Variants in KCNH1 observed in about 807,000 individuals in gnomAD.
KCNH1 encodes voltage-gated delayed rectifier potassium channel KCNH1.
Under a neutral mutation model 69.2 loss-of-function variants are expected in KCNH1, and 27 were observed. The observed-to-expected ratio is 0.39, with a 90% CI of 0.29 to 0.54. KCNH1 has a LOEUF of 0.54. KCNH1 is among the 20% of genes least tolerant of loss of function. The pLI, the probability that KCNH1 is intolerant of heterozygous loss-of-function variation, is 0.68. For missense variants in KCNH1, 798 were observed against 1,261.6 expected (o/e 0.63, Z 5.57); for synonymous variants, 456 against 487.7 (o/e 0.93, Z 0.86).
chr1:210,781,264 C>T (rs1206093433), intron 9 of KCNH1, among the ~76,000 whole-genome samples: 8 of 152,118 alleles, frequency 5.3e-5, no homozygotes, highest in Non-Finnish European at 1.0e-4. Context: ...GAGTGAGTAG[C>T]TGTTTAAAGG....
At position 210,817,056 on chromosome 1, in the gene KCNH1, T is replaced by C. The variant is rs962883753; in HGVS notation, c.1463-12890A>G. 1.6e-4 allele frequency among the ~76,000 whole-genome samples: 24 copies of C among 152,326 alleles called. 1 individual carries two copies. Among genetic ancestry groups the C allele is most frequent in the African/African-American group, 5.8e-4 (24 of 41,582 alleles). ...GTTGATTTTCCATACTGAATAACCA[T>C]GAGTCTCTTGGTTTATCAAAGGCAG... On this transcript the variant is annotated intron_variant, in intron 7 of 10. Coordinates refer to ENST00000271751, the MANE Select transcript of KCNH1 (RefSeq NM_172362.3).
chr1:210,867,340 C>A (rs970380574), intron 7 of KCNH1, among the ~76,000 whole-genome samples: 3 of 125,712 alleles, frequency 2.4e-5, no homozygotes, highest in African/African-American at 8.3e-5. Flanking sequence ...TACACACACA[C>A]ACACACACAC....
intron 7 of KCNH1, among the ~76,000 whole-genome samples, chr1:210,865,220 T>C (rs907829606): frequency 6.6e-6 from 1 of 152,232 alleles, no homozygotes; most frequent in African/African-American, 2.4e-5. Flanking sequence ...AGTCTCCCAA[T>C]GCAGAGATAT....
rs763936753 is a variant in KCNH1, at chr1:210,783,271, G to A, written c.1916-7727C>T. On this transcript the variant is annotated intron_variant, in intron 9 of 10. Coordinates refer to ENST00000271751, the MANE Select transcript of KCNH1 (RefSeq NM_172362.3). ...TCCTCTGCATTCCCTCCCTCAAGCA[G>A]CCCTCCTCTTCAATCAACATTCAAT... Among the ~76,000 whole-genome samples, 5 of 152,156 alleles carry A rather than the reference G, an allele frequency of 3.3e-5. 1 individual carries two copies. The South Asian group carries it at 8.3e-4, about 25-fold the overall frequency.
intron 7 of KCNH1, among the ~76,000 whole-genome samples, chr1:210,894,248 T>G (rs1686812402): frequency 6.6e-6 from 1 of 152,210 alleles, no homozygotes; most frequent in African/African-American, 2.4e-5. Context: ...ACTTGATCCT[T>G]TGAGTCTTAC....
At chr1:210,917,217 GAGAGAGAGAGAGAGAAAGAAAGAA>G (rs1250898697) in intron 7 of KCNH1, among the ~76,000 whole-genome samples, 2 of 88,616 alleles carry the variant, frequency 2.3e-5, no homozygotes, top group African/African-American at 8.5e-5. Flanking sequence ...CAGAGAGAGA[GAGAGAGAGAGAGAGAAAGAAAGAA>G]AGAAAGAAAG....
At position 210,828,653 on chromosome 1, in the gene KCNH1, G is replaced by C. The variant is rs75117608; in HGVS notation, c.1463-24487C>G. On this transcript the variant is annotated intron_variant, in intron 7 of 10. Coordinates refer to ENST00000271751, the MANE Select transcript of KCNH1 (RefSeq NM_172362.3). ...CAAAAAGCCATAATTCTTGCTCTTG[G>C]TACCTGCCATGTAGTAGGCACTCAA... 2.3e-3 allele frequency among the ~76,000 whole-genome samples: 344 copies of C among 152,280 alleles called. 3 individuals are homozygous for C. Among genetic ancestry groups the C allele is most frequent in the African/African-American group, 8.1e-3 (337 of 41,554 alleles).
Position 210,683,926 on chromosome 1 carries a change from A to G in KCNH1, c.2325T>C (p.His775=), listed in dbSNP as rs566129071. ...TCACGAGGCTGTGGTTGGCGGAGGC[A>G]TGCTCTGTAAGGACATTGCCCTTCT... The part of the protein sequence containing the change: ...DVEKGNVLTE[H]ASANHSLVKA... The change falls in exon 11 of 11, where the codon CAT becomes CAC. Residue 775 remains histidine (H), a synonymous_variant. Coordinates refer to ENST00000271751, the MANE Select transcript of KCNH1 (RefSeq NM_172362.3). The surrounding 1 kb of genome is among the most constrained non-coding windows in gnomAD (Gnocchi z 5.7). The G allele has an allele frequency of 7.4e-6, 12 of 1,612,396 alleles. No individual in the cohort carries two copies. The East Asian group carries it at 8.9e-5, about 12-fold the overall frequency.
rs184190529 is a variant in KCNH1, at chr1:211,022,980, G to A, written c.559-3724C>T. Among the ~76,000 whole-genome samples the A allele has an allele frequency of 9.9e-3, 1,506 of 151,926 alleles. 23 individuals are homozygous for A. The highest frequency in any genetic ancestry group is 0.035 in the African/African-American group (1,436 of 41,436). Reference sequence around the variant, plus strand: ...TACAAAATTAGCCAGGCATGGTGGTGGATACCTGTAATCCTAGCTACTCAG... The same window carrying A: ...TACAAAATTAGCCAGGCATGGTGGTAGATACCTGTAATCCTAGCTACTCAG... On this transcript the variant is annotated intron_variant, in intron 5 of 10. Transcript: ENST00000271751.
At chr1:210,861,044 A>G (rs1472581012) in intron 7 of KCNH1, 6 of 1,038,878 alleles carry the variant, frequency 5.8e-6, no homozygotes, top group Non-Finnish European at 7.6e-6. Context: ...ACAAAATCCC[A>G]TAGTCTTTTG....
chr1:210,813,839 T>TG (rs910897345), intron 7 of KCNH1, among the ~76,000 whole-genome samples: 3 of 152,112 alleles, frequency 2.0e-5, no homozygotes, highest in African/African-American at 7.2e-5. Flanking sequence ...AACTGAATCA[T>TG]GGGGGTGGGT....
chr1:210,691,794 C>T (rs937526887), intron 10 of KCNH1, among the ~76,000 whole-genome samples: 1 of 152,150 alleles, frequency 6.6e-6, no homozygotes, highest in Non-Finnish European at 1.5e-5. Flanking sequence ...CAGGATGGAC[C>T]AATGACTTAG....
At chr1:211,022,233 G>A (rs1195550505) in intron 5 of KCNH1, among the ~76,000 whole-genome samples, 2 of 152,118 alleles carry the variant, frequency 1.3e-5, no homozygotes, top group Admixed American at 1.3e-4. Context: ...GAATAGGACA[G>A]TCTCTTCAAC....
intron 6 of KCNH1, among the ~76,000 whole-genome samples, chr1:210,971,852 T>C (rs114103451): frequency 6.6e-6 from 1 of 152,276 alleles, no homozygotes; most frequent in East Asian, 1.9e-4. Context: ...TATATATACT[T>C]CATACTTAAA....
chr1:210,992,673 A>G (rs147176378), intron 6 of KCNH1, among the ~76,000 whole-genome samples: 1 of 152,286 alleles, frequency 6.6e-6, no homozygotes, highest in East Asian at 1.9e-4. Flanking sequence ...TGTAAGTGTT[A>G]CCATGCTATT....
intron 5 of KCNH1, among the ~76,000 whole-genome samples, chr1:211,033,257 A>G (rs1689827109): frequency 1.3e-5 from 2 of 152,216 alleles, no homozygotes; most frequent in Non-Finnish European, 2.9e-5. Context: ...AAAAGTCAGG[A>G]AACAGCAGGT....
At chr1:211,085,406 A>C (rs1421976605) in intron 4 of KCNH1, among the ~76,000 whole-genome samples, 2 of 152,068 alleles carry the variant, frequency 1.3e-5, no homozygotes, top group Non-Finnish European at 2.9e-5. Context: ...GAAGGACTTT[A>C]AATTTGGTGA....
chr1:211,020,702 AG>A (rs1404085552), intron 5 of KCNH1, among the ~76,000 whole-genome samples: 1 of 152,076 alleles, frequency 6.6e-6, no homozygotes, highest in Admixed American at 6.6e-5. Flanking sequence ...GAAAACTACA[AG>A]CCAATATTCC....
rs570606075 is a variant in KCNH1 at position 211,009,600 on chromosome 1, C to T, written c.1032+9183G>A. ...TATGGGAGTATATGTAAGTTATTTT[C>T]TTTTCTTTTTTTTTTTCTTTTTTTT... is the stretch of plus-strand genomic sequence containing the variant. On this transcript the variant is annotated intron_variant, in intron 6 of 10. Coordinates refer to ENST00000271751, the MANE Select transcript of KCNH1 (RefSeq NM_172362.3). 6.3e-4 allele frequency among the ~76,000 whole-genome samples: 61 copies of T among 97,554 alleles called. 2 individuals are homozygous for T. The South Asian group carries it at 0.021, about 34-fold the overall frequency. The allele number at this position is 97,554 out of a possible 152,430, so 64.0% of individuals were successfully genotyped here.
Sources: gnomAD v4.1 joint callset for allele counts (sites outside exome capture counted in the v4.1 genomes callset) on GRCh38, gnomAD v4.1.1 for gene constraint, Gnocchi (gnomAD v3.1) non-coding constraint, MANE v1.5 for transcripts, NCBI Gene and HGNC (gene_info 2026-07-23, HGNC 2026-07-21) for gene names.